The following MYRIP variants were observed in gnomAD, a reference collection of about 807,000 sequenced individuals.
MYRIP encodes the protein rab effector MyRIP.
A neutral mutation model predicts 98.0 loss-of-function variants in MYRIP; 49 were observed. The observed-to-expected ratio is 0.50, with a 90% CI of 0.40 to 0.63. MYRIP has a LOEUF of 0.63. Ranked by LOEUF, MYRIP falls within the 30% of genes least tolerant of loss-of-function variation. The pLI is 0.00. For missense variants in MYRIP, 1,004 were observed against 1,058.2 expected (o/e 0.95, Z 0.71); for synonymous variants, 404 against 409.5 (o/e 0.99, Z 0.16).
At chr3:40,040,539 T>G (rs1315115005) in intron 2 of MYRIP, among the ~76,000 whole-genome samples, 1 of 65,844 alleles carries the variant, frequency 1.5e-5, no homozygotes, top group East Asian at 3.7e-4. Flanking sequence ...CGTATGTTTA[T>G]TGCGGCACTA....
At chr3:39,938,187 T>C (rs964101301) in intron 2 of MYRIP, among the ~76,000 whole-genome samples, 5 of 152,210 alleles carry the variant, frequency 3.3e-5, no homozygotes, top group Non-Finnish European at 7.3e-5. Context: ...AGCCTTGAAT[T>C]CTAGTGACAT....
Position 40,147,772 on chromosome 3 carries a change from T to C in MYRIP, c.333-3276T>C, listed in dbSNP as rs148756364. Among the ~76,000 whole-genome samples, 122 of 152,344 alleles carry C rather than the reference T, an allele frequency of 8.0e-4. 2 individuals carry two copies. The highest frequency in any genetic ancestry group is 2.8e-4 in the Non-Finnish European group (19 of 68,030). Reference sequence around the variant, plus strand: ...CTTGTTGACAGAACAAAGACGTGGCTCCTTCTTCACCATTTCTCTTCATAC... The same window carrying C: ...CTTGTTGACAGAACAAAGACGTGGCCCCTTCTTCACCATTTCTCTTCATAC... On this transcript the variant is annotated intron_variant, in intron 3 of 16. Coordinates refer to ENST00000302541, the MANE Select transcript of MYRIP (RefSeq NM_015460.4).
intron 11 of MYRIP, among the ~76,000 whole-genome samples, chr3:40,227,479 A>AT (rs1179106409): frequency 6.6e-6 from 1 of 151,912 alleles, no homozygotes; most frequent in Non-Finnish European, 1.5e-5. Flanking sequence ...TTCTGATATT[A>AT]TTACTCCCTT....
At chr3:40,164,572 T>G (rs980137004) in intron 5 of MYRIP, among the ~76,000 whole-genome samples, 1 of 152,208 alleles carries the variant, frequency 6.6e-6, no homozygotes, top group African/African-American at 2.4e-5. Flanking sequence ...AAAGAATACC[T>G]TCATGGCAAC....
chr3:40,252,635 G>A (rs769740793), intron 16 of MYRIP, among the ~76,000 whole-genome samples: 8 of 152,066 alleles, frequency 5.3e-5, no homozygotes, highest in Non-Finnish European at 1.0e-4. Flanking sequence ...CAAGTCCCCC[G>A]AAACCAGATG....
At chr3:39,871,424 A>C (rs1025801078) in intron 1 of MYRIP, among the ~76,000 whole-genome samples, 1 of 152,202 alleles carries the variant, frequency 6.6e-6, no homozygotes, top group Non-Finnish European at 1.5e-5. Flanking sequence ...TTTAGTCAGC[A>C]TGAGTTCTTC....
At chr3:40,139,360 A>G (rs559192654) in intron 3 of MYRIP, among the ~76,000 whole-genome samples, 1 of 152,320 alleles carries the variant, frequency 6.6e-6, no homozygotes, top group Non-Finnish European at 1.5e-5. Context: ...GTCAAGATAC[A>G]GAACATTTCC....
intron 11 of MYRIP, among the ~76,000 whole-genome samples, chr3:40,215,332 C>A (rs1952083079): frequency 6.6e-6 from 1 of 152,020 alleles, no homozygotes; most frequent in African/African-American, 2.4e-5. Context: ...GAGTAATTTT[C>A]ATTTTTTTCA....
At chr3:39,843,746 C>A (rs1157719722) in intron 1 of MYRIP, among the ~76,000 whole-genome samples, 1 of 152,130 alleles carries the variant, frequency 6.6e-6, no homozygotes, top group Non-Finnish European at 1.5e-5. Context: ...GAAATCACTG[C>A]CCCCTCTGTA....
At chr3:39,991,299 A>G (rs1366480910) in intron 2 of MYRIP, among the ~76,000 whole-genome samples, 1 of 152,194 alleles carries the variant, frequency 6.6e-6, no homozygotes, top group Admixed American at 6.5e-5. Context: ...CTTGAGGCTT[A>G]AAACCAGATG....
chr3:39,973,062 A>C (rs978630993), intron 2 of MYRIP, among the ~76,000 whole-genome samples: 14 of 152,136 alleles, frequency 9.2e-5, no homozygotes, highest in Non-Finnish European at 2.1e-4. Context: ...CATATATATT[A>C]GAAATAATTG....
intron 2 of MYRIP, among the ~76,000 whole-genome samples, chr3:39,910,518 C>T (rs1401082449): frequency 5.3e-5 from 8 of 152,116 alleles, no homozygotes; most frequent in Non-Finnish European, 2.9e-5. Context: ...AGCCAACTAG[C>T]CACATGTGGC....
At chr3:40,079,213 C>G (rs1948421686) in intron 3 of MYRIP, among the ~76,000 whole-genome samples, 1 of 152,190 alleles carries the variant, frequency 6.6e-6, no homozygotes, top group Non-Finnish European at 1.5e-5. Flanking sequence ...TTCTTAGACA[C>G]TTGAGAGTAA....
intron 2 of MYRIP, among the ~76,000 whole-genome samples, chr3:40,019,006 C>A (rs927713542): frequency 3.9e-5 from 6 of 152,168 alleles, no homozygotes; most frequent in Non-Finnish European, 8.8e-5. Context: ...CTTACCTGGT[C>A]TTCCCTGATG....
chr3:40,187,468 T>C (rs1951070345), intron 9 of MYRIP, among the ~76,000 whole-genome samples: 2 of 152,238 alleles, frequency 1.3e-5, no homozygotes. Flanking sequence ...TGAGCAGGCA[T>C]GTGTAACACA....
intron 1 of MYRIP, among the ~76,000 whole-genome samples, chr3:39,897,865 C>T (rs13091535): frequency 6.9e-6 from 1 of 144,914 alleles, no homozygotes; most frequent in African/African-American, 2.6e-5. Context: ...ATGATCAAAG[C>T]TGTCACTTCA....
chr3:40,206,614 C>T (rs1951799416), intron 10 of MYRIP, among the ~76,000 whole-genome samples: 1 of 152,164 alleles, frequency 6.6e-6, no homozygotes, highest in South Asian at 2.1e-4. Context: ...TCATCAAAAC[C>T]TTACATGTGG....
intron 3 of MYRIP, among the ~76,000 whole-genome samples, chr3:40,121,154 C>T (rs1949396391): frequency 6.6e-6 from 1 of 152,124 alleles, no homozygotes; most frequent in Non-Finnish European, 1.5e-5. Flanking sequence ...GAGGCAGGTC[C>T]CGCTAGGGAA....
intron 1 of MYRIP, among the ~76,000 whole-genome samples, chr3:39,877,029 C>A (rs558283193): frequency 4.6e-5 from 7 of 152,270 alleles, no homozygotes; most frequent in Non-Finnish European, 8.8e-5. Context: ...TTCTTGGAGG[C>A]TTTGCTTGTT....
Sources: gnomAD v4.1 joint callset for allele counts (sites outside exome capture counted in the v4.1 genomes callset) on GRCh38, gnomAD v4.1.1 for gene constraint, MANE v1.5 for transcripts, NCBI Gene and HGNC (gene_info 2026-07-23, HGNC 2026-07-21) for gene names.